Variants in RTL4 observed in about 807,000 individuals in gnomAD.
RTL4 encodes the protein retrotransposon Gag like 4, also known as retrotransposon Gag-like protein 4.
A neutral mutation model predicts 5.3 loss-of-function variants in RTL4; 4 were observed. That is an observed-to-expected ratio of 0.75 (90% CI 0.37 to 1.72). RTL4 has a LOEUF of 1.72. Among genes scored for constraint, RTL4 ranks in the 40% most tolerant of loss-of-function variants. The pLI, the probability that RTL4 is intolerant of heterozygous loss-of-function variation, is 0.04. For synonymous variants in RTL4, 98 were observed against 87.3 expected (o/e 1.12, Z -0.68); for missense variants, 260 against 227.1 (o/e 1.14, Z -0.93).
the RTL4 span, among the ~76,000 whole-genome samples, chrX:112,272,210 T>C: frequency 8.9e-6 from 1 of 112,347 alleles, no homozygotes; most frequent in Non-Finnish European, 1.9e-5. Flanking sequence ...CAATTAAAAA[T>C]TGTGGTAATA....
At chrX:112,129,457 C>T in the RTL4 span, among the ~76,000 whole-genome samples, 428 of 112,078 alleles carry the variant, frequency 3.8e-3, 1 homozygote, top group African/African-American at 0.013. Context: ...AAATTCTCAT[C>T]ATAATGGGAC....
At chrX:112,422,199 ATAT>A in the RTL4 span, among the ~76,000 whole-genome samples, 1 of 111,998 alleles carries the variant, frequency 8.9e-6, no homozygotes, top group Non-Finnish European at 1.9e-5. Flanking sequence ...AAAGTGAAAA[ATAT>A]TATTTCTAAG....
the RTL4 span, among the ~76,000 whole-genome samples, chrX:112,144,487 G>GATC: frequency 1.8e-5 from 2 of 111,104 alleles, no homozygotes; most frequent in African/African-American, 6.6e-5. Flanking sequence ...CATGTATGGG[G>GATC]ATCATACTTT....
At chrX:112,146,427 G>A in the RTL4 span, among the ~76,000 whole-genome samples, 3 of 111,457 alleles carry the variant, frequency 2.7e-5, no homozygotes, top group East Asian at 5.6e-4. Flanking sequence ...AGTTGGCATC[G>A]CAATTCTGGA....
chrX:112,166,494 A>G, the RTL4 span, among the ~76,000 whole-genome samples: 6,076 of 111,616 alleles, frequency 0.054, 369 homozygotes, highest in African/African-American at 0.19. Flanking sequence ...CCAACTATCA[A>G]TGAATGTGGG....
chrX:112,222,309 A>G, the RTL4 span, among the ~76,000 whole-genome samples: 1 of 111,560 alleles, frequency 9.0e-6, no homozygotes, highest in Non-Finnish European at 1.9e-5. Context: ...GGGACAGGAT[A>G]TACATTCTAA....
the RTL4 span, among the ~76,000 whole-genome samples, chrX:112,326,490 G>C: frequency 7.1e-5 from 8 of 112,084 alleles, no homozygotes; most frequent in Admixed American, 9.4e-5. Flanking sequence ...CCCGCACGTG[G>C]CTCGGAGGGT....
At chrX:112,262,119 G>C in the RTL4 span, among the ~76,000 whole-genome samples, 1 of 111,886 alleles carries the variant, frequency 8.9e-6, no homozygotes, top group Non-Finnish European at 1.9e-5. Flanking sequence ...ATACCATTCA[G>C]GGCATAGGCA....
the RTL4 span, among the ~76,000 whole-genome samples, chrX:112,321,047 C>T: frequency 9.0e-6 from 1 of 111,066 alleles, no homozygotes; most frequent in East Asian, 2.8e-4. Flanking sequence ...GTAAGGCCTG[C>T]TTTCAGGGAA....
At chrX:112,329,428 C>G in the RTL4 span, among the ~76,000 whole-genome samples, 8 of 111,148 alleles carry the variant, frequency 7.2e-5, no homozygotes, top group South Asian at 1.1e-3. Flanking sequence ...ATAAATTCCT[C>G]GACACATACA....
At chrX:112,138,480 T>G in the RTL4 span, among the ~76,000 whole-genome samples, 2 of 111,776 alleles carry the variant, frequency 1.8e-5, no homozygotes, top group East Asian at 5.6e-4. Flanking sequence ...TGCAATAGAT[T>G]GTAATGATGG....
At chrX:112,235,954 A>G in the RTL4 span, among the ~76,000 whole-genome samples, 1 of 111,729 alleles carries the variant, frequency 9.0e-6, no homozygotes, top group African/African-American at 3.3e-5. Context: ...GCTTCTCATA[A>G]GTACTCATGT....
chrX:112,217,684 T>A, the RTL4 span, among the ~76,000 whole-genome samples: 1 of 112,061 alleles, frequency 8.9e-6, no homozygotes, highest in East Asian at 2.8e-4. Context: ...AGTAATATTT[T>A]CTGCCAATAG....
At chrX:112,345,434 G>T in the RTL4 span, among the ~76,000 whole-genome samples, 6 of 111,307 alleles carry the variant, frequency 5.4e-5, no homozygotes, top group African/African-American at 2.0e-4. Flanking sequence ...TGGGCCCTGT[G>T]ATACAGATCC....
chrX:112,414,130 T>C, the RTL4 span, among the ~76,000 whole-genome samples: 20 of 111,563 alleles, frequency 1.8e-4, no homozygotes, highest in African/African-American at 6.5e-4. Context: ...TCTTTTCAGG[T>C]ACTATTTATA....
the RTL4 span, among the ~76,000 whole-genome samples, chrX:112,268,235 TG>T: frequency 2.7e-5 from 3 of 111,972 alleles, no homozygotes; most frequent in Non-Finnish European, 5.6e-5. Flanking sequence ...TTTTACAACA[TG>T]GTGGTTATAT....
chrX:112,197,814 T>C, the RTL4 span, among the ~76,000 whole-genome samples: 1 of 111,986 alleles, frequency 8.9e-6, no homozygotes, highest in Admixed American at 9.5e-5. Flanking sequence ...TTTGTCTTTG[T>C]ATTTTTGTAT....
chrX:112,175,661 C>T, the RTL4 span, among the ~76,000 whole-genome samples: 2 of 111,236 alleles, frequency 1.8e-5, no homozygotes, highest in African/African-American at 6.5e-5. Flanking sequence ...CAGAAAAGGC[C>T]TTTGACAAAA....
chrX:112,301,229 A>G, the RTL4 span, among the ~76,000 whole-genome samples: 2 of 111,996 alleles, frequency 1.8e-5, no homozygotes, highest in Middle Eastern at 4.6e-3. Flanking sequence ...GTGCCCTGTA[A>G]TCTGACATAT....
Sources: allele counts gnomAD v4.1 joint callset (sites outside exome capture counted in the v4.1 genomes callset), GRCh38; gene constraint gnomAD v4.1.1; transcripts MANE v1.5; gene names NCBI Gene and HGNC (gene_info 2026-07-23, HGNC 2026-07-21).